SH2D3A: variants seen among roughly 807,000 people sequenced by gnomAD.
SH2D3A encodes the protein SH2 domain containing 3A, also known as SH2 domain-containing protein 3A.
Under a neutral mutation model 50.6 loss-of-function variants are expected in SH2D3A, and 46 were observed. The observed-to-expected ratio is 0.91, with a 90% CI of 0.72 to 1.16. The LOEUF (loss-of-function observed/expected upper bound fraction) is 1.16. Among genes scored for constraint, SH2D3A ranks in the 50% most tolerant of loss-of-function variants. SH2D3A has a pLI of 0.00. For missense variants in SH2D3A, 783 were observed against 786.2 expected, an observed-to-expected ratio of 1.00 and a Z score of 0.05; for synonymous variants, 377 against 348.4, an observed-to-expected ratio of 1.08 and a Z score of -0.91.
At chr19:6,766,959 T>C (rs911738468) in intron 1 of SH2D3A, among the ~76,000 whole-genome samples, 2 of 152,048 alleles carry the variant, frequency 1.3e-5, no homozygotes, top group Admixed American at 1.3e-4. Flanking sequence ...GGACTTGCTT[T>C]TTACATTTTA....
chr19:6,753,740 A>C (rs760748901), intron 8 of SH2D3A, 99 bp from the exon 9 acceptor site: 1 of 1,272,008 alleles, frequency 7.9e-7, no homozygotes, highest in African/African-American at 1.5e-5. Context: ...CTTAGGACTG[A>C]GCGACAGCGG....
chr19:6,754,466 G>A, intron 6 of SH2D3A, 41 bp from the exon 7 acceptor site: 1 of 1,532,126 alleles, frequency 6.5e-7, no homozygotes, highest in Non-Finnish European at 8.7e-7. Context: ...AAGTGGGGAG[G>A]TTTGTAATGC....
At position 6,754,939 on chromosome 19, in the gene SH2D3A, G is replaced by A. The variant is rs199665129; in HGVS notation, c.873C>T (p.Gly291=). 4.3e-6 allele frequency: 7 copies of A among 1,613,572 alleles called. No individual in the cohort carries two copies. The highest frequency in any genetic ancestry group is 1.7e-5 in the Admixed American group (1 of 60,004). Residue 291 remains glycine, a synonymous_variant, in exon 5 of 10, where the codon GGC becomes GGT. Transcript: ENST00000245908. The part of the protein sequence containing the change: ...CPHDAPSCLL[G]PQNRPLEPQV... ...GGGGTTCCAGGGGCCGATTCTGGGG[G>A]CCCAGCAGGCAGGAGGGGGCATCAT...
chr19:6,756,681 C>G (rs1002986475), intron 4 of SH2D3A, among the ~76,000 whole-genome samples: 3 of 151,956 alleles, frequency 2.0e-5, no homozygotes, highest in Non-Finnish European at 4.4e-5. Flanking sequence ...TGAATAGGCT[C>G]TTTTCTAGGA....
intron 1 of SH2D3A, among the ~76,000 whole-genome samples, chr19:6,764,821 T>G (rs1970217480): frequency 6.6e-6 from 1 of 150,920 alleles, no homozygotes; most frequent in South Asian, 2.1e-4. Context: ...TTCTCCCACC[T>G]CATCCTTCTG....
At position 6,753,531 on chromosome 19, in the gene SH2D3A, G is replaced by T; in HGVS notation, c.1495C>A (p.Arg499Ser). ...ATGTGACGCGCCCCGTGCAGGGTGC[G>T]CAACAGCCGCTCACAGCTCTCGTCC... is the stretch of plus-strand genomic sequence containing the variant. ...PLDESCERLL[R>S]TLHGARHMVR... The change falls in exon 9 of 10, where the codon CGC becomes AGC. Residue 499 changes from arginine to serine, a missense_variant. Coordinates refer to ENST00000245908, the MANE Select transcript of SH2D3A (RefSeq NM_005490.3). 6.4e-7 allele frequency: 1 copy of T among 1,563,902 alleles called. No individual in the cohort carries two copies.
Position 6,753,659 on chromosome 19 carries a change from C to A in SH2D3A, c.1385-18G>T. ...GCAGGGTCCTGCGGAGGGGGAGGGT[C>A]TGATCAGGGTTTGGGGCTGTAGATG... On this transcript the variant is annotated intron_variant, in intron 8 of 9. Transcript: ENST00000245908. The A allele has an allele frequency of 6.5e-7, 1 of 1,542,986 alleles. No individual in the cohort carries two copies. Among genetic ancestry groups the A allele is most frequent in the South Asian group, 1.2e-5 (1 of 80,976 alleles).
At position 6,759,600 on chromosome 19, in the gene SH2D3A, C is replaced by T. The variant is rs375221432; in HGVS notation, c.490G>A (p.Gly164Arg). ...HMGRSREDPA[G>R]MEASTMPISA... ...CATTCTAGCAGACACTTACCCATCC[C>T]AGCGGGGTCTTCTCTTGACCGCCCC... The change falls in exon 4 of 10, where the codon GGG (glycine) becomes AGG (arginine). Residue 164 changes from glycine (G) to arginine (R), a missense_variant. Transcript: ENST00000245908. 2 of 1,613,810 alleles carry T rather than the reference C, an allele frequency of 1.2e-6. No individual in the cohort carries two copies. Among genetic ancestry groups the T allele is most frequent in the East Asian group, 4.5e-5 (2 of 44,876 alleles).
intron 1 of SH2D3A, among the ~76,000 whole-genome samples, chr19:6,765,577 G>C: frequency 6.6e-6 from 1 of 151,762 alleles, no homozygotes; most frequent in East Asian, 1.9e-4. Context: ...GTGAAACCCC[G>C]TCTCTACTAA....
chr19:6,754,709 G>A lies in SH2D3A; in HGVS notation c.1004C>T (p.Thr335Ile). 4 of 1,614,212 alleles carry A rather than the reference G, an allele frequency of 2.5e-6. No homozygotes were observed. The highest frequency in any genetic ancestry group is 2.5e-6 in the Non-Finnish European group (3 of 1,180,032). ...TCCCATGTTGCCCCGCTGATCTCTGGTCACTCCCAGGAGGCCTGTGGCCTG... is the reference window on the plus strand; with the variant it reads ...TCCCATGTTGCCCCGCTGATCTCTGATCACTCCCAGGAGGCCTGTGGCCTG... ...DCQATGLLGVTRDQRGNMGVS... is the reference protein window; with the variant it reads ...DCQATGLLGVIRDQRGNMGVS... Residue 335 changes from threonine (T) to isoleucine (I), a missense_variant, in exon 6 of 10, where the codon ACC (threonine) becomes ATC (isoleucine). Physicochemically the swap from Thr to Ile is moderately conservative, Grantham distance 89 (BLOSUM62 -1). Transcript: ENST00000245908.
intron 1 of SH2D3A, among the ~76,000 whole-genome samples, chr19:6,765,166 C>T (rs552869886): frequency 6.6e-6 from 1 of 151,788 alleles, no homozygotes; most frequent in Non-Finnish European, 1.5e-5. Flanking sequence ...CCAGCATGAG[C>T]CACTGCGTCT....
Position 6,755,075 on chromosome 19 carries a change from G to C in SH2D3A, c.737C>G (p.Pro246Arg), listed in dbSNP as rs779202274. ...CTCTGGCTCTGGGCAGCTTTGGCTC[G>C]GGGATGTTCCCTGGACACTGGGCAC... is the stretch of plus-strand genomic sequence containing the variant. ...PRVPSVQGTS[P>R]SQSCPEPEAP... The change falls in exon 5 of 10, where the codon CCG becomes CGG. Residue 246 changes from proline (P) to arginine (R), a missense_variant. Coordinates refer to ENST00000245908, the MANE Select transcript of SH2D3A (RefSeq NM_005490.3). 3.7e-6 allele frequency: 6 copies of C among 1,613,904 alleles called. No homozygotes were observed. Among genetic ancestry groups the C allele is most frequent in the Non-Finnish European group, 5.1e-6 (6 of 1,179,964 alleles).
rs1969522771 is a variant in SH2D3A, at chr19:6,754,416, T to A, written c.1107A>T (p.Thr369=). The A allele has an allele frequency of 6.6e-7, 1 of 1,524,980 alleles. No homozygotes were observed. The highest frequency in any genetic ancestry group is 1.3e-5 in the South Asian group (1 of 77,892). The allele number at this position is 1,524,980 out of a possible 1,614,324, so 94.5% of individuals were successfully genotyped here. A position where few individuals can be genotyped will look rare whatever the true frequency, so the allele number is the denominator to read the frequency against. The change falls in exon 7 of 10, where the codon ACA becomes ACT. Residue 369 remains threonine, a synonymous_variant. Coordinates refer to ENST00000245908, the MANE Select transcript of SH2D3A (RefSeq NM_005490.3). The part of the protein sequence containing the change: ...LRLELLERHQ[T]LALAGALAVL... ...CCGCCAGCGCCCCGGCCAGCGCCAG[T>A]GTCTGATGCCTGCAGAGGTGGAGGG...
intron 1 of SH2D3A, among the ~76,000 whole-genome samples, chr19:6,765,112 C>G (rs774305601): frequency 6.6e-6 from 1 of 151,896 alleles, no homozygotes; most frequent in Non-Finnish European, 1.5e-5. Flanking sequence ...AACTCCTGAC[C>G]TCAGGTGATC....
chr19:6,761,603 T>A (rs1162874784), intron 2 of SH2D3A, among the ~76,000 whole-genome samples: 1 of 152,186 alleles, frequency 6.6e-6, no homozygotes, highest in Non-Finnish European at 1.5e-5. Context: ...CCCCCTCTTT[T>A]ATAAACATTT....
intron 1 of SH2D3A, among the ~76,000 whole-genome samples, chr19:6,765,484 A>G (rs1455900226): frequency 6.6e-6 from 1 of 151,914 alleles, no homozygotes; most frequent in Non-Finnish European, 1.5e-5. Context: ...GCGGTGGCTC[A>G]CTCTTGTAAT....
At position 6,764,872 on chromosome 19, in the gene SH2D3A, ATTTTTTT is replaced by A. The variant is rs55670461; in HGVS notation, c.-68-1063_-68-1057del. On this transcript the variant is annotated intron_variant, in intron 1 of 9. Transcript: ENST00000245908. ...GAGCGTGGGCCACTGTACCTGGCTAATTTTTTTTTTTTTTTTTTTTTTTGAGATCAAG... is the reference window on the plus strand; with the variant it reads ...GAGCGTGGGCCACTGTACCTGGCTAATTTTTTTTTTTTTTTTGAGATCAAG... Among the ~76,000 whole-genome samples the A allele has an allele frequency of 4.5e-3, 468 of 103,114 alleles. 5 individuals are homozygous for A. Among genetic ancestry groups the A allele is most frequent in the African/African-American group, 0.018 (420 of 23,328 alleles). The allele number at this position is 103,114 out of a possible 152,430, so 67.6% of individuals were successfully genotyped here.
Position 6,753,996 on chromosome 19 carries a change from C to T in SH2D3A, c.1384+56G>A, listed in dbSNP as rs1043537622. On this transcript the variant is annotated intron_variant, in intron 8 of 9. Coordinates refer to ENST00000245908, the MANE Select transcript of SH2D3A (RefSeq NM_005490.3). ...GACTGGGCATAGGACTAGATTGAGT[C>T]CTGTTAAATTTGGTCTGGGCCCCCA... 6 of 1,522,096 alleles carry T rather than the reference C, an allele frequency of 3.9e-6. 1 individual carries two copies. In the South Asian group the frequency reaches 7.7e-5, roughly 20 times the overall value. 94.3% of individuals were successfully genotyped at this position (1,522,096 alleles called of 1,614,324 possible). A position where few individuals can be genotyped will look rare whatever the true frequency, so the allele number is the denominator to read the frequency against.
intron 2 of SH2D3A, among the ~76,000 whole-genome samples, chr19:6,761,823 C>T (rs552948149): frequency 1.2e-3 from 186 of 152,052 alleles, no homozygotes; most frequent in Non-Finnish European, 2.0e-3. Flanking sequence ...GTGGTGTGCA[C>T]CTGTCATTCC....
Sources: allele counts gnomAD v4.1 joint callset (sites outside exome capture counted in the v4.1 genomes callset), GRCh38; gene constraint gnomAD v4.1.1; transcripts MANE v1.5; gene names NCBI Gene and HGNC (gene_info 2026-07-23, HGNC 2026-07-21).